The following CDH23 variants were observed in gnomAD, a reference collection of about 807,000 sequenced individuals.
The protein encoded by CDH23 is cadherin-23.
CDH23 carries 189 observed loss-of-function variants against 317.1 expected under a neutral mutation model. That is an observed-to-expected ratio of 0.60 (90% confidence interval 0.53 to 0.67). The LOEUF (loss-of-function observed/expected upper bound fraction) is 0.67. CDH23 is among the 30% of genes least tolerant of loss of function. The probability of loss-of-function intolerance (pLI) is 0.00; values close to 1 mark genes in which losing one functional copy is unlikely to be tolerated. For synonymous variants in CDH23, 1,839 were observed against 1,876.8 expected (o/e 0.98, Z 0.52); for missense variants, 4,401 against 4,592.4 (o/e 0.96, Z 1.20).
intron 38 of CDH23, chr10:71,773,537 G>A: frequency 8.2e-7 from 1 of 1,213,634 alleles, no homozygotes; most frequent in Admixed American, 2.5e-5. Context: ...GAGCGAGTGA[G>A]CGCTGCGGGC....
chr10:71,652,950 G>A (rs1863246432), intron 14 of CDH23, among the ~76,000 whole-genome samples: 1 of 152,184 alleles, frequency 6.6e-6, no homozygotes, highest in Non-Finnish European at 1.5e-5. Context: ...AGCCATTCTT[G>A]CTGTTTAGTT....
chr10:71,546,938 T>C (rs1856314421), intron 6 of CDH23, among the ~76,000 whole-genome samples: 1 of 152,222 alleles, frequency 6.6e-6, no homozygotes, highest in Non-Finnish European at 1.5e-5. Flanking sequence ...AGCTGGTATT[T>C]CCCAGCCATC....
chr10:71,705,225 C>A, intron 25 of CDH23, 95 bp downstream of exon 25: 3 of 1,187,300 alleles, frequency 2.5e-6, no homozygotes, highest in African/African-American at 1.5e-5. Context: ...TCCCCCACTG[C>A]TGTCTATTGG....
chr10:71,482,315 C>T (rs1852109774), intron 3 of CDH23, among the ~76,000 whole-genome samples: 1 of 152,076 alleles, frequency 6.6e-6, no homozygotes, highest in South Asian at 2.1e-4. Flanking sequence ...ATTGAACTTC[C>T]AAAGTAGAGT....
chr10:71,814,865 C>A, intron 69 of CDH23, 87 bp from the exon 70 acceptor site: 2 of 1,429,410 alleles, frequency 1.4e-6, no homozygotes, highest in Non-Finnish European at 1.9e-6. Context: ...CAAGGTTCAG[C>A]CACATAGCCA....
At chr10:71,414,047 T>TTGTGTGTGTGTGTGTGTGTG (rs34017042) in intron 1 of CDH23, among the ~76,000 whole-genome samples, 3 of 142,902 alleles carry the variant, frequency 2.1e-5, no homozygotes, top group African/African-American at 7.9e-5. Flanking sequence ...CTCCTGGGTT[T>TTGTGTGTGTGTGTGTGTGTG]TGTGTGTGTG....
chr10:71,702,740 G>A (rs772201064), intron 24 of CDH23, 46 bp downstream of exon 24: 7 of 1,609,816 alleles, frequency 4.3e-6, no homozygotes, highest in Non-Finnish European at 5.9e-6. Flanking sequence ...GGTGGGCAGT[G>A]GGTGCCTGAG....
intron 16 of CDH23, 59 bp from the exon 17 acceptor site, chr10:71,679,328 C>G: frequency 1.0e-6 from 1 of 956,108 alleles, no homozygotes; most frequent in Non-Finnish European, 1.6e-6. Flanking sequence ...GCTGCCCACC[C>G]TCTTCTGGCC....
intron 3 of CDH23, among the ~76,000 whole-genome samples, chr10:71,506,342 G>A (rs1282506910): frequency 6.6e-6 from 1 of 152,198 alleles, no homozygotes; most frequent in African/African-American, 2.4e-5. Context: ...TGTACTAAAT[G>A]CCACTGAATT....
intron 1 of CDH23, among the ~76,000 whole-genome samples, chr10:71,428,052 CA>C (rs1589293694): frequency 6.6e-6 from 1 of 151,984 alleles, no homozygotes; most frequent in African/African-American, 2.4e-5. Context: ...CTACTTTCTC[CA>C]GTAGCTGTGT....
intron 1 of CDH23, among the ~76,000 whole-genome samples, chr10:71,419,191 G>C (rs1039368811): frequency 2.6e-5 from 4 of 151,972 alleles, no homozygotes; most frequent in African/African-American, 9.7e-5. Context: ...TCCCTCTATG[G>C]CTCCCTTCCC....
chr10:71,813,355 G>A lies in CDH23; in HGVS notation c.9738+7G>A, dbSNP rs561629875. 39 of 1,548,812 alleles carry A rather than the reference G, an allele frequency of 2.5e-5. No individual in the cohort carries two copies. Among genetic ancestry groups the A allele is most frequent in the Admixed American group, 9.8e-5 (5 of 50,974 alleles). On this transcript the variant is annotated splice_region_variant and intron_variant, in intron 69 of 69. Coordinates refer to ENST00000224721, the MANE Select transcript of CDH23 (RefSeq NM_022124.6). Reference sequence around the variant, plus strand: ...CCACTCCTCCATCTCTGAGGTAGCCGGCTGGGTGGCTGGGAGCTGTGTGCT... The same window carrying A: ...CCACTCCTCCATCTCTGAGGTAGCCAGCTGGGTGGCTGGGAGCTGTGTGCT...
At chr10:71,578,490 T>C (rs1358583356) in intron 9 of CDH23, among the ~76,000 whole-genome samples, 1 of 152,174 alleles carries the variant, frequency 6.6e-6, no homozygotes, top group Admixed American at 6.5e-5. Flanking sequence ...GCATCTGGAA[T>C]GTTGCGGGGG....
chr10:71,812,066 A>G (rs1010618988), intron 66 of CDH23, 51 bp downstream of exon 66: 5 of 1,613,578 alleles, frequency 3.1e-6, no homozygotes, highest in Non-Finnish European at 3.4e-6. Context: ...TCCTGCCAGG[A>G]CCCAGCTGGG....
chr10:71,804,463 T>C lies in CDH23; in HGVS notation c.7872+1043T>C, dbSNP rs901927859. Among the ~76,000 whole-genome samples, 89 of 152,204 alleles carry C rather than the reference T, an allele frequency of 5.8e-4. 1 individual carries two copies. The highest frequency in any genetic ancestry group is 7.3e-5 in the Non-Finnish European group (5 of 68,028). On this transcript the variant is annotated intron_variant, in intron 55 of 69. Coordinates refer to ENST00000224721, the MANE Select transcript of CDH23 (RefSeq NM_022124.6). ...GCACCATCAGAATGTCTCCCACTTG[T>C]TCTTTGTCCCCCAAACTCCACCCAG...
chr10:71,446,372 T>C lies in CDH23; in HGVS notation c.122T>C (p.Leu41Pro). Residue 41 changes from leucine to proline, a missense_variant, in exon 3 of 70, where the codon CTG becomes CCG. Around this residue, in one of 3 missense-constraint regions of CDH23, gnomAD observed 3,068 missense variants for 3,203.3 expected, o/e 0.96. Coordinates refer to ENST00000224721, the MANE Select transcript of CDH23 (RefSeq NM_022124.6). ...FTNHFFDTYL[L>P]ISEDTPVGSS... Reference sequence around the variant, plus strand: ...AACCACTTCTTTGATACATACCTGCTGATCAGCGAGGACACGCCTGTGGGT... The same window carrying C: ...AACCACTTCTTTGATACATACCTGCCGATCAGCGAGGACACGCCTGTGGGT... 6.2e-7 allele frequency: 1 copy of C among 1,614,044 alleles called. No homozygotes were observed. The highest frequency in any genetic ancestry group is 8.5e-7 in the Non-Finnish European group (1 of 1,179,894).
At chr10:71,474,760 C>T (rs573295448) in intron 3 of CDH23, among the ~76,000 whole-genome samples, 3 of 152,356 alleles carry the variant, frequency 2.0e-5, no homozygotes, top group South Asian at 4.1e-4. Context: ...TCCTTGCGCT[C>T]CTCTGTGTGC....
rs1200334296 is a variant in CDH23 at position 71,807,679 on chromosome 10, T to G, written c.8472T>G (p.Val2824=). The part of the protein sequence containing the change: ...PRGPSPTLDL[V]ADLTLQEVRV... Reference sequence around the variant, plus strand: ...GACCCTCCCCAACCCTCGACCTGGTTGCTGACCTCACACTGCAGGAGGTGC... The same window carrying G: ...GACCCTCCCCAACCCTCGACCTGGTGGCTGACCTCACACTGCAGGAGGTGC... Residue 2824 remains valine, a synonymous_variant, in exon 59 of 70, where the codon GTT becomes GTG. Transcript: ENST00000224721. The G allele has an allele frequency of 1.2e-6, 2 of 1,613,858 alleles. No homozygotes were observed. The highest frequency in any genetic ancestry group is 2.2e-5 in the South Asian group (2 of 91,038).
chr10:71,806,615 C>T (rs192182423), intron 57 of CDH23, among the ~76,000 whole-genome samples: 392 of 150,288 alleles, frequency 2.6e-3, no homozygotes, highest in African/African-American at 8.8e-3. Flanking sequence ...AGTCTCGCTC[C>T]GTTGCCGAGG....
Sources: gnomAD v4.1 joint callset for allele counts (sites outside exome capture counted in the v4.1 genomes callset) on GRCh38, gnomAD v4.1.1 for gene constraint, gnomAD v4.1.1 regional missense constraint, MANE v1.5 for transcripts, NCBI Gene and HGNC (gene_info 2026-07-23, HGNC 2026-07-21) for gene names.